The following PRKG2 variants were observed in gnomAD, a reference collection of about 807,000 sequenced individuals.
PRKG2 encodes cGMP-dependent protein kinase 2.
A neutral mutation model predicts 97.2 loss-of-function variants in PRKG2; 33 were observed. That is an observed-to-expected ratio of 0.34 (90% CI 0.26 to 0.45). PRKG2 has a LOEUF of 0.45. Ranked by LOEUF, PRKG2 falls within the 20% of genes least tolerant of loss-of-function variation. The probability of loss-of-function intolerance (pLI) is 1.00; values close to 1 mark genes in which losing one functional copy is unlikely to be tolerated. For synonymous variants in PRKG2, 330 were observed against 321.8 expected (o/e 1.03, Z -0.27); for missense variants, 638 against 900.0 (o/e 0.71, Z 3.73).
intron 14 of PRKG2, among the ~76,000 whole-genome samples, chr4:81,125,559 A>C (rs1215029353): frequency 6.6e-6 from 1 of 152,194 alleles, no homozygotes; most frequent in Non-Finnish European, 1.5e-5. Flanking sequence ...GGCTATTAGG[A>C]ATAAAGTTGT....
chr4:81,162,350 C>G (rs946540594), intron 6 of PRKG2, among the ~76,000 whole-genome samples: 1 of 152,100 alleles, frequency 6.6e-6, no homozygotes, highest in African/African-American at 2.4e-5. Flanking sequence ...ATGTGATGAA[C>G]TTTTATCTAA....
intron 13 of PRKG2, among the ~76,000 whole-genome samples, chr4:81,137,066 A>C (rs1271592042): frequency 6.5e-5 from 8 of 122,346 alleles, no homozygotes; most frequent in African/African-American, 2.2e-4. Context: ...ACCTTTGTTT[A>C]TCACACTGCT....
In PRKG2 at chr4:81,160,348, T is replaced by C. The variant is rs558338517; in HGVS notation, c.913-6627A>G. 2.5e-4 allele frequency among the ~76,000 whole-genome samples: 38 copies of C among 152,286 alleles called. 2 individuals are homozygous for C. The South Asian group carries it at 7.3e-3, about 29-fold the overall frequency. ...CTTTATTATCTGCACTTATGTTTTC[T>C]TCTTTCACAGAGTAAATTCACCTGG... On this transcript the variant is annotated intron_variant, in intron 6 of 18. Transcript: ENST00000264399.
rs1396991132 is a variant in PRKG2 at position 81,142,821 on chromosome 4, G to T, written c.1380C>A (p.Gly460=). 2 of 1,608,352 alleles carry T rather than the reference G, an allele frequency of 1.2e-6. No individual in the cohort carries two copies. ...FQNLEIIATL[G]VGGFGRVELV... ...GCTCAACTCTTCCGAACCCACCAACGCCCAGTGTTGCAATAATCTCAAGGT... is the reference window on the plus strand; with the variant it reads ...GCTCAACTCTTCCGAACCCACCAACTCCCAGTGTTGCAATAATCTCAAGGT... Residue 460 remains glycine, a synonymous_variant, in exon 11 of 19, where the codon GGC becomes GGA. Transcript: ENST00000264399.
At chr4:81,118,339 CT>C (rs1184107419) in intron 14 of PRKG2, among the ~76,000 whole-genome samples, 1 of 152,182 alleles carries the variant, frequency 6.6e-6, no homozygotes, top group Non-Finnish European at 1.5e-5. Flanking sequence ...TTTTCAACTG[CT>C]TTCCATGAAT....
At chr4:81,193,661 G>A (rs984974780) in intron 2 of PRKG2, among the ~76,000 whole-genome samples, 2 of 152,062 alleles carry the variant, frequency 1.3e-5, no homozygotes, top group African/African-American at 4.8e-5. Flanking sequence ...CCAACATGGT[G>A]CAACCCCATC....
intron 17 of PRKG2, among the ~76,000 whole-genome samples, chr4:81,103,125 G>A (rs964596631): frequency 3.3e-5 from 5 of 152,098 alleles, no homozygotes; most frequent in South Asian, 2.1e-4. Context: ...GGTTTGAACC[G>A]CCACATTTGA....
In PRKG2 at chr4:81,107,652, A is replaced by C. The variant is rs1743480877; in HGVS notation, c.1941-1717T>G. 1.3e-5 allele frequency among the ~76,000 whole-genome samples: 2 copies of C among 151,980 alleles called. 1 individual carries two copies. Among genetic ancestry groups the C allele is most frequent in the South Asian group, 4.2e-4 (2 of 4,814 alleles). On this transcript the variant is annotated intron_variant, in intron 15 of 18. Transcript: ENST00000264399. The stretch of plus-strand genomic sequence containing the variant: ...CTCAGCCTCCCAGGTAGCTGGGACT[A>C]CAGGTGCACGCCACCATGCCCAGCT...
intron 17 of PRKG2, among the ~76,000 whole-genome samples, chr4:81,093,872 A>G (rs1195570740): frequency 6.6e-6 from 1 of 152,160 alleles, no homozygotes; most frequent in African/African-American, 2.4e-5. Context: ...GGATCTTATA[A>G]TAAGAACATG....
intron 3 of PRKG2, among the ~76,000 whole-genome samples, chr4:81,172,305 A>C (rs1330338389): frequency 6.6e-6 from 1 of 152,136 alleles, no homozygotes; most frequent in Non-Finnish European, 1.5e-5. Context: ...TCATAAAAAC[A>C]CAGAGAAATT....
intron 2 of PRKG2, among the ~76,000 whole-genome samples, chr4:81,180,795 T>C (rs1751337542): frequency 2.7e-5 from 3 of 111,856 alleles, no homozygotes; most frequent in Admixed American, 1.5e-4. Flanking sequence ...ATATTTTAAA[T>C]ATCTCTTCAA....
At position 81,101,917 on chromosome 4, in the gene PRKG2, C is replaced by T. The variant is rs145677281; in HGVS notation, c.2126+2453G>A. Among the ~76,000 whole-genome samples the T allele has an allele frequency of 4.2e-3, 639 of 152,196 alleles. 4 individuals are homozygous for T. Among genetic ancestry groups the T allele is most frequent in the African/African-American group, 0.014 (594 of 41,550 alleles). The stretch of plus-strand genomic sequence containing the variant: ...GTAGAGAAGCTACGCAGCTTAAAGA[C>T]TTGTGGAAGGTTTTTAAACACTCCC... On this transcript the variant is annotated intron_variant, in intron 17 of 18. Coordinates refer to ENST00000264399, the MANE Select transcript of PRKG2 (RefSeq NM_006259.3).
chr4:81,147,592 C>T (rs1366428258), intron 9 of PRKG2, among the ~76,000 whole-genome samples: 2 of 152,120 alleles, frequency 1.3e-5, no homozygotes, highest in African/African-American at 4.8e-5. Context: ...GACCACTTTA[C>T]TGCATAGTGA....
At chr4:81,111,567 G>A (rs558833631) in intron 14 of PRKG2, among the ~76,000 whole-genome samples, 41 of 152,232 alleles carry the variant, frequency 2.7e-4, no homozygotes, top group African/African-American at 9.2e-4. Context: ...TTATTAGCAG[G>A]TGACATCTGA....
chr4:81,181,328 T>A (rs1477344162), intron 2 of PRKG2, among the ~76,000 whole-genome samples: 1 of 151,798 alleles, frequency 6.6e-6, no homozygotes, highest in East Asian at 1.9e-4. Flanking sequence ...AAAAGCCAAA[T>A]CATATTTTGA....
intron 1 of PRKG2, among the ~76,000 whole-genome samples, chr4:81,208,984 T>C (rs1319466363): frequency 6.6e-6 from 1 of 152,138 alleles, no homozygotes; most frequent in Non-Finnish European, 1.5e-5. Flanking sequence ...GCCCACCTAA[T>C]TATCTTTGAA....
intron 7 of PRKG2, chr4:81,153,373 C>CGGTGGT: frequency 3.6e-6 from 1 of 279,784 alleles, no homozygotes; most frequent in Admixed American, 4.9e-5. Flanking sequence ...TATAAATAAT[C>CGGTGGT]CAGCCATCTC....
At chr4:81,192,078 T>C (rs1366604262) in intron 2 of PRKG2, 3 of 152,206 alleles carry the variant, frequency 2.0e-5, no homozygotes, top group South Asian at 4.1e-4. Context: ...CTATAAATCA[T>C]AGAATGATTA....
Position 81,156,627 on chromosome 4 carries a change from AT to A in PRKG2, c.913-2907del, listed in dbSNP as rs1749123297. 2.0e-5 allele frequency among the ~76,000 whole-genome samples: 3 copies of A among 152,166 alleles called. No homozygotes were observed. In the South Asian group the frequency reaches 6.2e-4, roughly 32 times the overall value. On this transcript the variant is annotated intron_variant, in intron 6 of 18. Transcript: ENST00000264399. ...TCCACCCCAAATCAACAGAATATAC[AT>A]TTTTTTCAGCACCACGCCACACCTA...
Sources: gnomAD v4.1 joint callset for allele counts (sites outside exome capture counted in the v4.1 genomes callset) on GRCh38, gnomAD v4.1.1 for gene constraint, MANE v1.5 for transcripts, NCBI Gene and HGNC (gene_info 2026-07-23, HGNC 2026-07-21) for gene names.